HHIP: variants seen among roughly 807,000 people sequenced by gnomAD.
HHIP encodes hedgehog-interacting protein.
A neutral mutation model predicts 74.0 loss-of-function variants in HHIP; 12 were observed. That is an observed-to-expected ratio of 0.16 (90% CI 0.10 to 0.26). The LOEUF is 0.26. HHIP is among the 10% of genes least tolerant of loss of function. HHIP has a pLI of 1.00. For missense variants in HHIP, 788 were observed against 845.0 expected (o/e 0.93, Z 0.84); for synonymous variants, 309 against 311.6 (o/e 0.99, Z 0.09).
At chr4:144,667,044 C>T (rs1450931778) in intron 4 of HHIP, among the ~76,000 whole-genome samples, 1 of 151,988 alleles carries the variant, frequency 6.6e-6, no homozygotes, top group Non-Finnish European at 1.5e-5. Context: ...GCAATACACC[C>T]TGGGGTTGAA....
intron 7 of HHIP, among the ~76,000 whole-genome samples, chr4:144,709,594 C>T (rs1229878747): frequency 6.6e-6 from 1 of 152,138 alleles, no homozygotes; most frequent in Non-Finnish European, 1.5e-5. Context: ...GTATTCTAAG[C>T]AGAAGACGAT....
intron 2 of HHIP, among the ~76,000 whole-genome samples, chr4:144,655,335 C>T (rs1448523467): frequency 2.6e-5 from 4 of 152,102 alleles, no homozygotes; most frequent in African/African-American, 9.7e-5. Context: ...TTTTCTTCTG[C>T]TTAACTGAGC....
chr4:144,667,050 T>C (rs1728885019), intron 4 of HHIP, among the ~76,000 whole-genome samples: 1 of 151,806 alleles, frequency 6.6e-6, no homozygotes, highest in Admixed American at 6.6e-5. Context: ...CACCCTGGGG[T>C]TGAAACAGTC....
At chr4:144,718,817 A>G in intron 10 of HHIP, 58 bp from the exon 11 acceptor site, 1 of 963,876 alleles carries the variant, frequency 1.0e-6, no homozygotes, top group Non-Finnish European at 1.7e-6. Flanking sequence ...GCCAGGCAAT[A>G]GGAAGTAAGG....
intron 3 of HHIP, 87 bp downstream of exon 3, chr4:144,659,033 C>G (rs1728628978): frequency 9.2e-7 from 1 of 1,088,666 alleles, no homozygotes; most frequent in Non-Finnish European, 1.3e-6. Flanking sequence ...ACTGTCTGTG[C>G]TTATGTTCAG....
chr4:144,689,825 T>C (rs943089243), intron 4 of HHIP, among the ~76,000 whole-genome samples: 2 of 152,220 alleles, frequency 1.3e-5, no homozygotes, highest in South Asian at 2.1e-4. Flanking sequence ...TTTTATTTTT[T>C]TGAGACGGAG....
chr4:144,673,960 A>G (rs1273809661), intron 4 of HHIP, among the ~76,000 whole-genome samples: 1 of 152,200 alleles, frequency 6.6e-6, no homozygotes, highest in Non-Finnish European at 1.5e-5. Context: ...GGATAGAGTA[A>G]ATTAGATGTG....
At chr4:144,682,681 C>T (rs1680203020) in intron 4 of HHIP, among the ~76,000 whole-genome samples, 1 of 152,224 alleles carries the variant, frequency 6.6e-6, no homozygotes, top group African/African-American at 2.4e-5. Context: ...TAAGAAAACA[C>T]CATCTCTATG....
At position 144,742,402 on chromosome 4, in the gene HHIP, T is replaced by C. The variant is rs1731281767; in HGVS notation, c.*4445T>C. 1.3e-5 allele frequency: 2 copies of C among 152,130 alleles called. No homozygotes were observed. The highest frequency in any genetic ancestry group is 6.5e-5 in the Admixed American group (1 of 15,268). The allele number at this position is 152,130 out of a possible 1,614,324, so 9.4% of individuals were successfully genotyped here. On this transcript the variant is annotated 3_prime_UTR_variant, in exon 13 of 13. Coordinates refer to ENST00000296575, the MANE Select transcript of HHIP (RefSeq NM_022475.3). ...AGTCCAGAGGCTCCAATTCAGCTGCTCTAGCATAGATACAGGAAAGACATG... is the reference window on the plus strand; with the variant it reads ...AGTCCAGAGGCTCCAATTCAGCTGCCCTAGCATAGATACAGGAAAGACATG...
chr4:144,702,775 A>G (rs1730022203), intron 4 of HHIP, among the ~76,000 whole-genome samples: 2 of 152,152 alleles, frequency 1.3e-5, no homozygotes, highest in Non-Finnish European at 2.9e-5. Flanking sequence ...GGTTCTAGCA[A>G]TGCTGTCTGT....
intron 8 of HHIP, among the ~76,000 whole-genome samples, chr4:144,713,580 C>T (rs1730359896): frequency 6.6e-6 from 1 of 152,022 alleles, no homozygotes; most frequent in African/African-American, 2.4e-5. Flanking sequence ...TATGTAATGG[C>T]CTGCACAGAA....
At chr4:144,667,938 T>G (rs1728921676) in intron 4 of HHIP, among the ~76,000 whole-genome samples, 1 of 152,052 alleles carries the variant, frequency 6.6e-6, no homozygotes, top group South Asian at 2.1e-4. Context: ...GGGGGGCAAT[T>G]GGGTAAAGCT....
At chr4:144,674,780 A>T (rs541539661) in intron 4 of HHIP, among the ~76,000 whole-genome samples, 39 of 152,302 alleles carry the variant, frequency 2.6e-4, no homozygotes, top group African/African-American at 9.1e-4. Context: ...AGTTGTCCCC[A>T]CTTAATCATG....
At chr4:144,689,588 G>A (rs866980863) in intron 4 of HHIP, among the ~76,000 whole-genome samples, 14 of 152,082 alleles carry the variant, frequency 9.2e-5, no homozygotes, top group African/African-American at 3.4e-4. Context: ...ATTTTTGCCT[G>A]GAGCACTGCT....
At chr4:144,732,812 C>CT (rs1304377766) in intron 11 of HHIP, among the ~76,000 whole-genome samples, 3 of 152,154 alleles carry the variant, frequency 2.0e-5, no homozygotes, top group Non-Finnish European at 2.9e-5. Flanking sequence ...TTGACATACT[C>CT]TATTTCTGGG....
rs1730797980 is a variant in HHIP at position 144,726,111 on chromosome 4, TG to T, written c.1760+7157del. On this transcript the variant is annotated intron_variant, in intron 11 of 12. Transcript: ENST00000296575. ...TTGTGTTTAACATTTTTATCAATTA[TG>T]GTTTATGAATTAAGTATTTAAATTA... 3.9e-5 allele frequency among the ~76,000 whole-genome samples: 6 copies of T among 152,344 alleles called. No homozygotes were observed. In the South Asian group the frequency reaches 1.2e-3, roughly 32 times the overall value.
chr4:144,744,308 G>A lies in HHIP; in HGVS notation c.*6351G>A, dbSNP rs1028994496. 1 of 152,130 alleles carries A rather than the reference G, an allele frequency of 6.6e-6. No individual in the cohort carries two copies. The highest frequency in any genetic ancestry group is 6.5e-5 in the Admixed American group (1 of 15,270). 9.4% of individuals were successfully genotyped at this position (152,130 alleles called of 1,614,324 possible). On this transcript the variant is annotated 3_prime_UTR_variant, in exon 13 of 13. Transcript: ENST00000296575. ...CTGTGTCTTTTTTGGTTTTATCTGTGATTTATTTTGTCCAGTATTAAGGAA... is the reference window on the plus strand; with the variant it reads ...CTGTGTCTTTTTTGGTTTTATCTGTAATTTATTTTGTCCAGTATTAAGGAA...
At chr4:144,681,765 A>G (rs1254720078) in intron 4 of HHIP, among the ~76,000 whole-genome samples, 1 of 152,172 alleles carries the variant, frequency 6.6e-6, no homozygotes, top group Non-Finnish European at 1.5e-5. Flanking sequence ...ATGCTTTAGC[A>G]TCTCATTTAT....
intron 4 of HHIP, among the ~76,000 whole-genome samples, chr4:144,660,747 T>C (rs1357137923): frequency 1.3e-5 from 2 of 152,198 alleles, no homozygotes; most frequent in Non-Finnish European, 2.9e-5. Context: ...CATTTTCTTA[T>C]CGTGTGAGAG....
Sources: gnomAD v4.1 joint callset for allele counts (sites outside exome capture counted in the v4.1 genomes callset) on GRCh38, gnomAD v4.1.1 for gene constraint, MANE v1.5 for transcripts, NCBI Gene and HGNC (gene_info 2026-07-23, HGNC 2026-07-21) for gene names.